Variants in ANP32B observed in about 807,000 individuals in gnomAD.
ANP32B encodes acidic nuclear phosphoprotein 32 family member B.
ANP32B carries 6 observed loss-of-function variants against 32.2 expected under a neutral mutation model. That is an observed-to-expected ratio of 0.19 (90% CI 0.10 to 0.37). The LOEUF is 0.37. Among genes scored for constraint, ANP32B ranks in the 10% least tolerant of loss-of-function variants. ANP32B has a pLI of 1.00. For synonymous variants in ANP32B, 98 were observed against 105.8 expected, an observed-to-expected ratio of 0.93 and a Z score of 0.45; for missense variants, 204 against 289.2, an observed-to-expected ratio of 0.71 and a Z score of 2.14.
chr9:97,983,709 G>A, intron 1 of ANP32B, 100 bp downstream of exon 1: 2 of 1,007,680 alleles, frequency 2.0e-6, no homozygotes, highest in Non-Finnish European at 2.8e-6. Context: ...CCCCGGCGCG[G>A]GGAAGAGCGC....
At chr9:97,988,555 T>A (rs996080114) in intron 1 of ANP32B, among the ~76,000 whole-genome samples, 1 of 151,990 alleles carries the variant, frequency 6.6e-6, no homozygotes, top group Non-Finnish European at 1.5e-5. Flanking sequence ...CGAAACCCCG[T>A]CTCTACTAAA....
At chr9:97,984,053 C>G (rs1228071353) in intron 1 of ANP32B, among the ~76,000 whole-genome samples, 1 of 149,818 alleles carries the variant, frequency 6.7e-6, no homozygotes, top group Non-Finnish European at 1.5e-5. Context: ...GCGCCCCGGG[C>G]CGGCCGGGGA....
chr9:98,004,079 G>A (rs1333287226), intron 3 of ANP32B, among the ~76,000 whole-genome samples: 2 of 152,176 alleles, frequency 1.3e-5, no homozygotes. Flanking sequence ...ACCTGGGATT[G>A]AAATACTAGT....
In ANP32B at chr9:98,012,447, AGATGAAGATGAGGATGAG is replaced by A. The variant is rs2131593116; in HGVS notation, c.671_688del (p.Asp224_Glu229del). ...AAGAAGAATTTGGACTTGATGAAGA[AGATGAAGATGAGGATGAG>A]GATGAAGGTGGGCCTAATGCATGCA... On this transcript the variant is annotated inframe_deletion, in exon 6 of 7. Coordinates refer to ENST00000339399, the MANE Select transcript of ANP32B (RefSeq NM_006401.3). The A allele has an allele frequency of 6.2e-7, 1 of 1,611,428 alleles. No homozygotes were observed. Among genetic ancestry groups the A allele is most frequent in the Non-Finnish European group, 8.5e-7 (1 of 1,178,496 alleles).
chr9:98,007,297 G>A (rs947156839), intron 4 of ANP32B, among the ~76,000 whole-genome samples: 2 of 152,200 alleles, frequency 1.3e-5, no homozygotes, highest in African/African-American at 4.8e-5. Context: ...AGGAGAGGCT[G>A]CAGTTAAGCT....
At chr9:98,006,816 C>T (rs1828093157) in intron 4 of ANP32B, among the ~76,000 whole-genome samples, 2 of 152,106 alleles carry the variant, frequency 1.3e-5, no homozygotes, top group African/African-American at 4.8e-5. Flanking sequence ...TGGGGAAACC[C>T]TGGCTCTGCA....
At chr9:97,985,668 A>G (rs969165935) in intron 1 of ANP32B, among the ~76,000 whole-genome samples, 1 of 152,226 alleles carries the variant, frequency 6.6e-6, no homozygotes, top group African/African-American at 2.4e-5. Flanking sequence ...TCTTTAGGAT[A>G]TGCTCAAACT....
intron 6 of ANP32B, among the ~76,000 whole-genome samples, chr9:98,012,722 GGGTGGT>G (rs942174470): frequency 6.6e-6 from 1 of 151,944 alleles, no homozygotes; most frequent in Non-Finnish European, 1.5e-5. Context: ...GTTTTTTTCG[GGGTGGT>G]GGTGGTGGTG....
chr9:97,986,274 A>G (rs1337652675), intron 1 of ANP32B, among the ~76,000 whole-genome samples: 3 of 152,368 alleles, frequency 2.0e-5, no homozygotes, highest in East Asian at 3.9e-4. Flanking sequence ...GTTAGGCAGC[A>G]CTGGCCTGCA....
intron 3 of ANP32B, among the ~76,000 whole-genome samples, chr9:97,999,357 T>C (rs1827954248): frequency 6.6e-6 from 1 of 152,246 alleles, no homozygotes. Flanking sequence ...TTTTACACTT[T>C]AACAGAAAAG....
chr9:97,985,357 C>T (rs1167144668), intron 1 of ANP32B, among the ~76,000 whole-genome samples: 1 of 152,184 alleles, frequency 6.6e-6, no homozygotes, highest in East Asian at 1.9e-4. Context: ...ACGGCGCTGT[C>T]CTTCCCGGAG....
At chr9:97,988,053 T>C (rs886139859) in intron 1 of ANP32B, among the ~76,000 whole-genome samples, 8 of 152,142 alleles carry the variant, frequency 5.3e-5, no homozygotes, top group African/African-American at 1.9e-4. Context: ...GACACTTTAG[T>C]GTATTATAGT....
At chr9:98,002,211 C>G (rs1237272377) in intron 3 of ANP32B, 1 of 152,182 alleles carries the variant, frequency 6.6e-6, no homozygotes, top group African/African-American at 2.4e-5. Context: ...ATTTTGAACA[C>G]CGTCTACTTT....
intron 1 of ANP32B, among the ~76,000 whole-genome samples, 186 bp downstream of exon 1, chr9:97,983,795 C>G (rs1352109390): frequency 6.6e-6 from 1 of 151,506 alleles, no homozygotes; most frequent in Non-Finnish European, 1.5e-5. Flanking sequence ...CTCTTTGCCG[C>G]CCGCGGGCCC....
intron 3 of ANP32B, 21 bp downstream of exon 3, chr9:97,998,699 A>C (rs1265323178): frequency 2.6e-6 from 4 of 1,538,148 alleles, no homozygotes; most frequent in Non-Finnish European, 3.5e-6. Flanking sequence ...GAGAATTTGG[A>C]AACTGGAACT....
chr9:98,006,255 GCTGCAT>G (rs914445998), intron 4 of ANP32B, among the ~76,000 whole-genome samples: 1 of 152,210 alleles, frequency 6.6e-6, no homozygotes, highest in African/African-American at 2.4e-5. Flanking sequence ...CAAGTGACAA[GCTGCAT>G]CTGGTGGCAG....
chr9:98,006,958 A>G (rs376189958), intron 4 of ANP32B, among the ~76,000 whole-genome samples: 41 of 152,202 alleles, frequency 2.7e-4, no homozygotes, highest in African/African-American at 9.2e-4. Flanking sequence ...GCTGTGCTTT[A>G]GCCTGGGCGA....
chr9:97,983,829 C>T (rs1007384875), intron 1 of ANP32B, among the ~76,000 whole-genome samples: 1 of 151,798 alleles, frequency 6.6e-6, no homozygotes, highest in African/African-American at 2.4e-5. Flanking sequence ...GGGGAGGCAG[C>T]GGTGTGGGGG....
intron 1 of ANP32B, among the ~76,000 whole-genome samples, chr9:97,988,535 G>C (rs1827775195): frequency 6.6e-6 from 1 of 152,032 alleles, no homozygotes; most frequent in African/African-American, 2.4e-5. Context: ...GACCAGACCG[G>C]GCAACATGGC....
Sources: gnomAD v4.1 joint callset for allele counts (sites outside exome capture counted in the v4.1 genomes callset) on GRCh38, gnomAD v4.1.1 for gene constraint, MANE v1.5 for transcripts, NCBI Gene and HGNC (gene_info 2026-07-23, HGNC 2026-07-21) for gene names.